The following SLC13A4 variants were observed in gnomAD, a reference collection of about 807,000 sequenced individuals.
SLC13A4 encodes Na(+)/sulfate cotransporter SUT-1.
Under a neutral mutation model 72.7 loss-of-function variants are expected in SLC13A4, and 28 were observed. That is an observed-to-expected ratio of 0.39 (90% CI 0.29 to 0.53). The LOEUF (loss-of-function observed/expected upper bound fraction) is 0.53, where lower values mean the gene tolerates loss of function less well. SLC13A4 is among the 20% of genes least tolerant of loss of function. The pLI is 0.78. For synonymous variants in SLC13A4, 312 were observed against 325.5 expected, an observed-to-expected ratio of 0.96 and a Z score of 0.45; for missense variants, 653 against 788.0, an observed-to-expected ratio of 0.83 and a Z score of 2.05.
Position 135,706,330 on chromosome 7 carries a change from G to A in SLC13A4, c.366-30C>T, listed in dbSNP as rs1313072164. The A allele has an allele frequency of 2.0e-5, 31 of 1,573,392 alleles. No individual in the cohort carries two copies. The Admixed American group carries it at 4.7e-4, about 24-fold the overall frequency. The stretch of plus-strand genomic sequence containing the variant: ...AAGGCAGGGAGGGTTGGGGCAGAGC[G>A]TCCACGGAACACACATCCCTGCGGC... On this transcript the variant is annotated intron_variant, in intron 3 of 15. Coordinates refer to ENST00000682651, the MANE Select transcript of SLC13A4 (RefSeq NM_001318192.2).
chr7:135,707,725 C>T (rs1325149834), intron 3 of SLC13A4: 1 of 163,264 alleles, frequency 6.1e-6, no homozygotes, highest in Non-Finnish European at 1.3e-5. Context: ...TGGGAGGAAA[C>T]ATTCCCGTCT....
intron 9 of SLC13A4, 97 bp from the exon 10 acceptor site, chr7:135,694,335 T>G (rs1795855858): frequency 1.4e-6 from 1 of 730,512 alleles, no homozygotes; most frequent in African/African-American, 1.8e-5. Flanking sequence ...CCTGCTGTGG[T>G]CACTTTTCTC....
intron 2 of SLC13A4, among the ~76,000 whole-genome samples, chr7:135,709,197 C>A (rs960191699): frequency 2.0e-5 from 3 of 151,754 alleles, no homozygotes; most frequent in Non-Finnish European, 4.4e-5. Context: ...TCCCAAATTG[C>A]GGGGATCAGA....
At chr7:135,718,812 C>G (rs1482259270) in intron 2 of SLC13A4, among the ~76,000 whole-genome samples, 1 of 152,122 alleles carries the variant, frequency 6.6e-6, no homozygotes, top group Non-Finnish European at 1.5e-5. Context: ...GCCTAGCTTC[C>G]CCCTGTGAGC....
At chr7:135,693,995 T>C (rs1406283632) in intron 10 of SLC13A4, 142 bp downstream of exon 10, 9 of 630,804 alleles carry the variant, frequency 1.4e-5, no homozygotes, top group South Asian at 7.6e-5. Context: ...TGGCACTAAA[T>C]AGCATCTTCT....
intron 2 of SLC13A4, among the ~76,000 whole-genome samples, chr7:135,712,776 C>T (rs1217841242): frequency 6.6e-6 from 1 of 152,216 alleles, no homozygotes; most frequent in Non-Finnish European, 1.5e-5. Flanking sequence ...CACAATAACA[C>T]CTGGGTTATT....
rs773794918 is a variant in SLC13A4 at position 135,695,430 on chromosome 7, G to T, written c.957C>A (p.Pro319=). ...NFGTWFLFSF[P]ISLIMLVVSW... ...TGACCACCAGCATGATGAGGGATAT[G>T]GGGAAGCTGAAGAGGAACCAGGTGC... The change falls in exon 9 of 16, where the codon CCC becomes CCA. Residue 319 remains proline, a synonymous_variant. Coordinates refer to ENST00000682651, the MANE Select transcript of SLC13A4 (RefSeq NM_001318192.2). 6.2e-7 allele frequency: 1 copy of T among 1,614,186 alleles called. No individual in the cohort carries two copies. The highest frequency in any genetic ancestry group is 1.1e-5 in the South Asian group (1 of 91,070).
chr7:135,721,995 C>G (rs1395747222), intron 1 of SLC13A4, among the ~76,000 whole-genome samples: 1 of 152,130 alleles, frequency 6.6e-6, no homozygotes, highest in East Asian at 1.9e-4. Flanking sequence ...AATCCCAGGA[C>G]TTTGGGAGGC....
chr7:135,699,624 C>T lies in SLC13A4; in HGVS notation c.715-76G>A, dbSNP rs1365390948. 49 of 1,340,318 alleles carry T rather than the reference C, an allele frequency of 3.7e-5. No individual in the cohort carries two copies. In the East Asian group the frequency reaches 1.2e-3, roughly 32 times the overall value. The allele number at this position is 1,340,318 out of a possible 1,614,324, so 83.0% of individuals were successfully genotyped here. A position where few individuals can be genotyped will look rare whatever the true frequency, so the allele number is the denominator to read the frequency against. On this transcript the variant is annotated intron_variant, in intron 7 of 15. Transcript: ENST00000682651. ...CCGAAGCATGAGAGGCAGGAGGCAC[C>T]ATGGTACAGCGGAAAGGGTTTGAGC...
At chr7:135,703,324 T>C (rs1443463452) in intron 5 of SLC13A4, 2 of 171,596 alleles carry the variant, frequency 1.2e-5, no homozygotes, top group Non-Finnish European at 2.5e-5. Context: ...CTGGAAAGCC[T>C]ATGCCCCCTG....
intron 2 of SLC13A4, among the ~76,000 whole-genome samples, chr7:135,715,227 G>A (rs1319499974): frequency 1.4e-5 from 2 of 139,096 alleles, no homozygotes; most frequent in Non-Finnish European, 3.3e-5. Flanking sequence ...GTGTATATGT[G>A]AGTGTATGTG....
intron 2 of SLC13A4, among the ~76,000 whole-genome samples, chr7:135,719,948 A>G (rs1584741407): frequency 3.1e-5 from 4 of 128,642 alleles, no homozygotes; most frequent in African/African-American, 9.0e-5. Flanking sequence ...CAGGGGAGGG[A>G]GTTGGGGGGA....
intron 15 of SLC13A4, 41 bp from the exon 16 acceptor site, chr7:135,681,741 G>A (rs1306424041): frequency 1.9e-6 from 3 of 1,593,510 alleles, no homozygotes; most frequent in South Asian, 2.3e-5. Flanking sequence ...ACTCTGACCA[G>A]CAGCAGCACA....
At chr7:135,709,330 T>C (rs574648315) in intron 2 of SLC13A4, among the ~76,000 whole-genome samples, 1 of 152,228 alleles carries the variant, frequency 6.6e-6, no homozygotes, top group Non-Finnish European at 1.5e-5. Flanking sequence ...CTTTTTTTTT[T>C]TCCCTGAACC....
At chr7:135,682,344 G>A (rs560956759) in intron 15 of SLC13A4, among the ~76,000 whole-genome samples, 1 of 152,322 alleles carries the variant, frequency 6.6e-6, no homozygotes, top group East Asian at 1.9e-4. Flanking sequence ...GGCTGAAGTG[G>A]GGGATGTGAG....
intron 3 of SLC13A4, among the ~76,000 whole-genome samples, chr7:135,706,713 G>A (rs758871014): frequency 1.3e-5 from 2 of 152,124 alleles, no homozygotes; most frequent in Admixed American, 6.5e-5. Flanking sequence ...TGAGCGCCAC[G>A]GCACTCCTTG....
intron 15 of SLC13A4, among the ~76,000 whole-genome samples, chr7:135,682,138 T>C (rs1033399764): frequency 2.0e-5 from 3 of 152,224 alleles, no homozygotes; most frequent in Non-Finnish European, 4.4e-5. Flanking sequence ...CTGTTACCTT[T>C]TTTTAAGGAA....
chr7:135,726,038 C>T (rs187478053), intron 1 of SLC13A4, among the ~76,000 whole-genome samples: 1 of 152,110 alleles, frequency 6.6e-6, no homozygotes. Flanking sequence ...CTAGTCTGTG[C>T]CTTCTGTGGG....
At position 135,727,977 on chromosome 7, in the gene SLC13A4, T is replaced by C. The variant is rs574669974; in HGVS notation, c.-481A>G. ...CGGATGACCTATTTTGGGGAGTACCTGTTTCATCTCCCACCTGGGCTCGCT... is the reference window on the plus strand; with the variant it reads ...CGGATGACCTATTTTGGGGAGTACCCGTTTCATCTCCCACCTGGGCTCGCT... On this transcript the variant is annotated 5_prime_UTR_variant, in exon 1 of 16. Coordinates refer to ENST00000682651, the MANE Select transcript of SLC13A4 (RefSeq NM_001318192.2). 147 of 152,836 alleles carry C rather than the reference T, an allele frequency of 9.6e-4. 1 individual carries two copies. The Middle Eastern group carries it at 0.017, about 18-fold the overall frequency. 9.5% of individuals were successfully genotyped at this position (152,836 alleles called of 1,614,324 possible).
Sources: gnomAD v4.1 joint callset for allele counts (sites outside exome capture counted in the v4.1 genomes callset) on GRCh38, gnomAD v4.1.1 for gene constraint, MANE v1.5 for transcripts, NCBI Gene and HGNC (gene_info 2026-07-23, HGNC 2026-07-21) for gene names.